RALYL: variants seen among roughly 807,000 people sequenced by gnomAD.
RALYL encodes RALY RNA binding protein like.
In RALYL, 29 loss-of-function variants were observed where a neutral mutation model predicts 35.1. The ratio of observed to expected loss-of-function variants is 0.83; its 90% CI spans 0.61 to 1.13. The LOEUF is 1.13. RALYL is among the 50% of genes most tolerant of loss of function. RALYL has a pLI of 0.00. For synonymous variants in RALYL, 120 were observed against 127.6 expected, an observed-to-expected ratio of 0.94 and a Z score of 0.40; for missense variants, 359 against 360.4, an observed-to-expected ratio of 1.00 and a Z score of 0.03.
chr8:84,464,728 A>T (rs529440251), intron 1 of RALYL, among the ~76,000 whole-genome samples: 1 of 152,094 alleles, frequency 6.6e-6, no homozygotes, highest in South Asian at 2.1e-4. Context: ...TGACTTCCAC[A>T]ATGGTTGAAC....
intron 1 of RALYL, among the ~76,000 whole-genome samples, chr8:84,497,294 C>T (rs1352658998): frequency 6.6e-6 from 1 of 152,148 alleles, no homozygotes; most frequent in African/African-American, 2.4e-5. Context: ...TTTATTCACT[C>T]AGGTCCATAA....
intron 2 of RALYL, among the ~76,000 whole-genome samples, chr8:84,767,623 G>A (rs532064546): frequency 2.6e-5 from 4 of 152,114 alleles, no homozygotes; most frequent in African/African-American, 7.2e-5. Flanking sequence ...GCATCAATTA[G>A]CCACAGGTAG....
At chr8:84,762,267 T>G (rs1812899593) in intron 2 of RALYL, among the ~76,000 whole-genome samples, 1 of 152,168 alleles carries the variant, frequency 6.6e-6, no homozygotes, top group South Asian at 2.1e-4. Context: ...ATGTTTTGTG[T>G]TCTTACTTTT....
chr8:84,841,065 A>G (rs985654557), intron 4 of RALYL, among the ~76,000 whole-genome samples: 2 of 152,220 alleles, frequency 1.3e-5, no homozygotes, highest in Non-Finnish European at 2.9e-5. Context: ...TCAACTAATG[A>G]GCAAAATAAC....
chr8:84,268,889 A>C (rs1249539333), intron 1 of RALYL, among the ~76,000 whole-genome samples: 1 of 152,230 alleles, frequency 6.6e-6, no homozygotes, highest in Non-Finnish European at 1.5e-5. Context: ...ATGAGAAAGA[A>C]TTTTAAAAGC....
chr8:84,590,482 A>C (rs1812989267), intron 2 of RALYL, among the ~76,000 whole-genome samples: 1 of 152,192 alleles, frequency 6.6e-6, no homozygotes, highest in Non-Finnish European at 1.5e-5. Flanking sequence ...CATTTGTTCA[A>C]ACGTAGCATA....
At chr8:84,852,303 T>C (rs1261663120) in intron 5 of RALYL, among the ~76,000 whole-genome samples, 1 of 152,208 alleles carries the variant, frequency 6.6e-6, no homozygotes, top group Non-Finnish European at 1.5e-5. Flanking sequence ...TCTTTAAGAA[T>C]GATTTTCTCA....
chr8:84,261,781 T>A (rs1367717185), intron 1 of RALYL, among the ~76,000 whole-genome samples: 1 of 152,136 alleles, frequency 6.6e-6, no homozygotes, highest in Non-Finnish European at 1.5e-5. Context: ...TTATTTTTAA[T>A]ATGTTTTATT....
intron 1 of RALYL, among the ~76,000 whole-genome samples, chr8:84,249,115 CAA>C (rs1334784773): frequency 1.3e-5 from 2 of 151,722 alleles, no homozygotes; most frequent in East Asian, 3.9e-4. Flanking sequence ...CAGCGTAAAA[CAA>C]TATTGGAATT....
chr8:84,829,886 T>C (rs1298926884), intron 4 of RALYL, among the ~76,000 whole-genome samples: 2 of 152,016 alleles, frequency 1.3e-5, no homozygotes, highest in Admixed American at 6.6e-5. Context: ...GTATGTTATA[T>C]CAATATATGA....
intron 2 of RALYL, among the ~76,000 whole-genome samples, chr8:84,553,692 C>G (rs2060904749): frequency 6.6e-6 from 1 of 151,630 alleles, no homozygotes; most frequent in Non-Finnish European, 1.5e-5. Context: ...TCTAAAGTAA[C>G]ATTTTCTTAT....
At chr8:84,463,426 T>A (rs2051065484) in intron 1 of RALYL, among the ~76,000 whole-genome samples, 1 of 152,048 alleles carries the variant, frequency 6.6e-6, no homozygotes, top group South Asian at 2.1e-4. Context: ...TTTTCAAGTG[T>A]GGAAAATCTC....
chr8:84,589,746 C>A (rs1329222493), intron 2 of RALYL, among the ~76,000 whole-genome samples: 1 of 152,126 alleles, frequency 6.6e-6, no homozygotes. Context: ...CTCTGTGTCA[C>A]ATTTTAAGAG....
chr8:84,841,947 C>T (rs1219648952), intron 4 of RALYL, among the ~76,000 whole-genome samples: 1 of 152,110 alleles, frequency 6.6e-6, no homozygotes, highest in Non-Finnish European at 1.5e-5. Flanking sequence ...CATACCAGAC[C>T]TCTGGGACAC....
chr8:84,593,187 C>T (rs1813685470), intron 2 of RALYL, among the ~76,000 whole-genome samples: 1 of 152,032 alleles, frequency 6.6e-6, no homozygotes, highest in Non-Finnish European at 1.5e-5. Context: ...TCTTCACCAA[C>T]AATCTACTTT....
chr8:84,563,929 A>G (rs1022755782), intron 2 of RALYL, among the ~76,000 whole-genome samples: 2 of 151,770 alleles, frequency 1.3e-5, no homozygotes, highest in Admixed American at 1.3e-4. Flanking sequence ...AGAATGTTGC[A>G]TTTATGTAAA....
At chr8:84,715,582 A>G (rs968747976) in intron 2 of RALYL, among the ~76,000 whole-genome samples, 4 of 152,086 alleles carry the variant, frequency 2.6e-5, no homozygotes, top group Non-Finnish European at 4.4e-5. Context: ...CAAACAAAAT[A>G]TCTGCAAATG....
intron 4 of RALYL, among the ~76,000 whole-genome samples, chr8:84,815,927 G>A (rs1189078780): frequency 2.0e-5 from 3 of 150,972 alleles, no homozygotes; most frequent in East Asian, 2.0e-4. Flanking sequence ...CTAGCTACTC[G>A]GGAGGTTGAG....
intron 1 of RALYL, among the ~76,000 whole-genome samples, chr8:84,476,507 A>C (rs2053440824): frequency 6.6e-6 from 1 of 152,186 alleles, no homozygotes; most frequent in Admixed American, 6.5e-5. Flanking sequence ...TCTTGCCTTA[A>C]GGTTAACAGA....
Sources: gnomAD v4.1 joint callset for allele counts (sites outside exome capture counted in the v4.1 genomes callset) on GRCh38, gnomAD v4.1.1 for gene constraint, MANE v1.5 for transcripts, NCBI Gene and HGNC (gene_info 2026-07-23, HGNC 2026-07-21) for gene names.